MAP2K5: variants seen among roughly 807,000 people sequenced by gnomAD.
The protein encoded by MAP2K5 is dual specificity mitogen-activated protein kinase kinase 5.
A neutral mutation model predicts 83.1 loss-of-function variants in MAP2K5; 49 were observed. That is an observed-to-expected ratio of 0.59 (90% CI 0.47 to 0.75). MAP2K5 has a LOEUF of 0.75. MAP2K5 is among the 30% of genes least tolerant of loss of function. The pLI, the probability that MAP2K5 is intolerant of heterozygous loss-of-function variation, is 0.00. For missense variants in MAP2K5, 457 were observed against 557.5 expected (o/e 0.82, Z 1.82); for synonymous variants, 202 against 191.8 (o/e 1.05, Z -0.44).
intron 17 of MAP2K5, among the ~76,000 whole-genome samples, chr15:67,743,541 G>C (rs190849029): frequency 6.6e-6 from 1 of 152,122 alleles, no homozygotes; most frequent in Non-Finnish European, 1.5e-5. Context: ...AGTAAATTTT[G>C]TTCTCTTCCT....
chr15:67,714,584 G>A (rs775082071), intron 16 of MAP2K5, among the ~76,000 whole-genome samples: 24 of 152,126 alleles, frequency 1.6e-4, no homozygotes, highest in South Asian at 2.1e-4. Context: ...AGCAGCTGCC[G>A]TCAACTTTTC....
intron 21 of MAP2K5, 71 bp from the exon 22 acceptor site, chr15:67,806,575 A>C: frequency 7.6e-7 from 1 of 1,313,370 alleles, no homozygotes. Context: ...GGCTGAGGGC[A>C]GGCCCTGGAA....
In MAP2K5 at chr15:67,577,536, T is replaced by C. The variant is rs2085091456; in HGVS notation, c.253-3218T>C. On this transcript the variant is annotated intron_variant, in intron 3 of 21. Coordinates refer to ENST00000178640, the MANE Select transcript of MAP2K5 (RefSeq NM_145160.3). This position sits in a 1 kb window ranked among gnomAD's most constrained non-coding sequence, Gnocchi z 4.1. Reference sequence around the variant, plus strand: ...CAAGCTATTATGTTCAGTATCTTAGTGTACAAAGTTTAGGGGTGTTTTTTT... The same window carrying C: ...CAAGCTATTATGTTCAGTATCTTAGCGTACAAAGTTTAGGGGTGTTTTTTT... 6.6e-6 allele frequency among the ~76,000 whole-genome samples: 1 copy of C among 152,228 alleles called. No homozygotes were observed. The highest frequency in any genetic ancestry group is 1.5e-5 in the Non-Finnish European group (1 of 68,038).
chr15:67,733,705 G>T (rs944007713), intron 17 of MAP2K5, among the ~76,000 whole-genome samples: 1 of 152,140 alleles, frequency 6.6e-6, no homozygotes, highest in Non-Finnish European at 1.5e-5. Context: ...CCTGTTAGCT[G>T]AACAAAATGA....
chr15:67,639,820 G>A (rs749894198), intron 9 of MAP2K5, among the ~76,000 whole-genome samples: 11 of 152,120 alleles, frequency 7.2e-5, no homozygotes, highest in African/African-American at 1.4e-4. Flanking sequence ...TTTGATTCAC[G>A]TATTCCTCTC....
At chr15:67,646,358 A>G (rs1347798873) in intron 10 of MAP2K5, 30 bp from the exon 11 acceptor site, 1 of 1,463,364 alleles carries the variant, frequency 6.8e-7, no homozygotes, top group Non-Finnish European at 9.5e-7. Context: ...TTGCAGGTTT[A>G]TAACTACTTT....
chr15:67,549,185 T>C (rs1402126305), intron 1 of MAP2K5: 2 of 1,535,540 alleles, frequency 1.3e-6, no homozygotes, highest in African/African-American at 2.7e-5. Flanking sequence ...CTGGACATGA[T>C]GGAGGGTCAC....
At chr15:67,633,242 C>G (rs2086515943) in intron 9 of MAP2K5, among the ~76,000 whole-genome samples, 1 of 152,196 alleles carries the variant, frequency 6.6e-6, no homozygotes, top group South Asian at 2.1e-4. Flanking sequence ...AACTTGAGCA[C>G]TATTTTCCCA....
chr15:67,675,183 A>C (rs1277481984), intron 13 of MAP2K5, among the ~76,000 whole-genome samples: 1 of 152,214 alleles, frequency 6.6e-6, no homozygotes, highest in East Asian at 1.9e-4. Flanking sequence ...ATAGCCAAAA[A>C]CTGGAAACAA....
intron 8 of MAP2K5, among the ~76,000 whole-genome samples, chr15:67,630,306 C>T (rs1440124141): frequency 6.6e-6 from 1 of 152,034 alleles, no homozygotes; most frequent in African/African-American, 2.4e-5. Context: ...TTTCTGTAAA[C>T]CCTATTCTCA....
rs1017694542 is a variant in MAP2K5, at chr15:67,690,941, GTGAAC to G, written c.848-1536_848-1532del. On this transcript the variant is annotated intron_variant, in intron 13 of 21. Coordinates refer to ENST00000178640, the MANE Select transcript of MAP2K5 (RefSeq NM_145160.3). This position sits in a 1 kb window ranked among gnomAD's most constrained non-coding sequence, Gnocchi z 4.3. ...GATGTTTTAAGTATGCTCCTACCCT[GTGAAC>G]TTATTTATTTCTTGGGGCGATGATA... 2.3e-4 allele frequency among the ~76,000 whole-genome samples: 35 copies of G among 152,292 alleles called. No individual in the cohort carries two copies. Among genetic ancestry groups the G allele is most frequent in the African/African-American group, 7.0e-4 (29 of 41,572 alleles).
chr15:67,806,523 C>T, intron 21 of MAP2K5, 123 bp from the exon 22 acceptor site: 1 of 830,490 alleles, frequency 1.2e-6, no homozygotes, highest in East Asian at 2.7e-5. Flanking sequence ...GATAGCCTCC[C>T]TCGTTACCTC....
intron 11 of MAP2K5, among the ~76,000 whole-genome samples, chr15:67,646,807 A>G (rs1450045566): frequency 6.6e-6 from 1 of 152,160 alleles, no homozygotes; most frequent in Admixed American, 6.5e-5. Flanking sequence ...TCAATAGCCA[A>G]AACAGATTTT....
chr15:67,692,190 A>G (rs1237550321), intron 13 of MAP2K5, among the ~76,000 whole-genome samples: 2 of 152,206 alleles, frequency 1.3e-5, no homozygotes, highest in Non-Finnish European at 2.9e-5. Flanking sequence ...TAGGGATAGG[A>G]TGATGGGTGT....
At position 67,565,283 on chromosome 15, in the gene MAP2K5, G is replaced by A. The variant is rs1045540648; in HGVS notation, c.252+1933G>A. Reference sequence around the variant, plus strand: ...CTTGCTCTGTCACCGAGGCTGGAGTGCAGTGGTGCCATCTTGGCTCACTGC... The same window carrying A: ...CTTGCTCTGTCACCGAGGCTGGAGTACAGTGGTGCCATCTTGGCTCACTGC... On this transcript the variant is annotated intron_variant, in intron 3 of 21. Coordinates refer to ENST00000178640, the MANE Select transcript of MAP2K5 (RefSeq NM_145160.3). This position sits in a 1 kb window ranked among gnomAD's most constrained non-coding sequence, Gnocchi z 4.1. 8.6e-5 allele frequency among the ~76,000 whole-genome samples: 13 copies of A among 151,942 alleles called. No homozygotes were observed. The highest frequency in any genetic ancestry group is 1.2e-4 in the Non-Finnish European group (8 of 68,008).
intron 8 of MAP2K5, among the ~76,000 whole-genome samples, chr15:67,617,040 T>C (rs1051525440): frequency 6.6e-6 from 1 of 152,296 alleles, no homozygotes; most frequent in African/African-American, 2.4e-5. Flanking sequence ...ATACTATCAT[T>C]TCAGTGTCCC....
At chr15:67,642,332 TG>T (rs780656703) in intron 9 of MAP2K5, 113 of 1,005,678 alleles carry the variant, frequency 1.1e-4, no homozygotes, top group Middle Eastern at 4.4e-4. Flanking sequence ...TGTGGAGTGC[TG>T]GGGGGGATAG....
intron 8 of MAP2K5, chr15:67,628,813 T>C (rs2086388193): frequency 2.7e-6 from 2 of 750,630 alleles, no homozygotes; most frequent in Admixed American, 3.4e-5. Flanking sequence ...GGAATGACAA[T>C]TTTGGTCATG....
At chr15:67,592,742 C>CT (rs1341158773) in intron 6 of MAP2K5, among the ~76,000 whole-genome samples, 184 bp from the exon 7 acceptor site, 1 of 152,082 alleles carries the variant, frequency 6.6e-6, no homozygotes. Context: ...GGGTTTTAGT[C>CT]TCTTTATTTG....
Sources: allele counts gnomAD v4.1 joint callset (sites outside exome capture counted in the v4.1 genomes callset), GRCh38; gene constraint gnomAD v4.1.1; non-coding constraint Gnocchi (gnomAD v3.1); transcripts MANE v1.5; gene names NCBI Gene and HGNC (gene_info 2026-07-23, HGNC 2026-07-21).